Variants in CACNG4 observed in about 807,000 individuals in gnomAD.
CACNG4 encodes the protein calcium voltage-gated channel auxiliary subunit gamma 4.
A neutral mutation model predicts 22.9 loss-of-function variants in CACNG4; 8 were observed. The observed-to-expected ratio is 0.35, with a 90% CI of 0.21 to 0.63. The LOEUF is 0.63. Among genes scored for constraint, CACNG4 ranks in the 30% least tolerant of loss-of-function variants. The pLI, the probability that CACNG4 is intolerant of heterozygous loss-of-function variation, is 0.72. For synonymous variants in CACNG4, 188 were observed against 191.9 expected, an observed-to-expected ratio of 0.98 and a Z score of 0.17; for missense variants, 357 against 455.4, an observed-to-expected ratio of 0.78 and a Z score of 1.97.
intron 1 of CACNG4, among the ~76,000 whole-genome samples, chr17:66,970,381 A>G (rs1307510412): frequency 1.3e-5 from 2 of 152,192 alleles, no homozygotes; most frequent in Non-Finnish European, 2.9e-5. Flanking sequence ...AACTTCTCAT[A>G]GTTCTGGAGG....
chr17:66,985,583 A>G (rs1004071311), intron 1 of CACNG4, among the ~76,000 whole-genome samples: 20 of 152,192 alleles, frequency 1.3e-4, no homozygotes, highest in Non-Finnish European at 2.5e-4. Flanking sequence ...CAGAATGTGT[A>G]AGAGTTCCCC....
intron 1 of CACNG4, among the ~76,000 whole-genome samples, chr17:66,973,987 C>T (rs745508641): frequency 2.0e-5 from 3 of 152,154 alleles, no homozygotes; most frequent in Non-Finnish European, 4.4e-5. Context: ...TCAACTTCTT[C>T]CAATGAAAAA....
At chr17:66,990,647 C>CTTATTTTATTTTATT (rs59079283) in intron 1 of CACNG4, among the ~76,000 whole-genome samples, 1,832 of 148,592 alleles carry the variant, frequency 0.012, 21 homozygotes, top group African/African-American at 0.022. Context: ...TCTAAGTCTC[C>CTTATTTTATTTTATT]TTATTTTATT....
intron 1 of CACNG4, among the ~76,000 whole-genome samples, chr17:66,967,467 C>G (rs543141508): frequency 1.3e-5 from 2 of 152,272 alleles, no homozygotes; most frequent in South Asian, 4.2e-4. Context: ...ACCAACAGCT[C>G]TCAACCACCT....
chr17:66,995,898 T>C (rs2035371847), intron 1 of CACNG4, among the ~76,000 whole-genome samples: 1 of 152,198 alleles, frequency 6.6e-6, no homozygotes, highest in Admixed American at 6.5e-5. Context: ...CCATTTTTCC[T>C]TATTGCCATC....
chr17:66,994,916 G>A (rs1239835210), intron 1 of CACNG4, among the ~76,000 whole-genome samples: 1 of 152,088 alleles, frequency 6.6e-6, no homozygotes, highest in Non-Finnish European at 1.5e-5. Context: ...GGAGCCATTC[G>A]CCCCCTTGAA....
chr17:67,012,268 G>T (rs183693974), intron 1 of CACNG4, among the ~76,000 whole-genome samples: 2 of 152,316 alleles, frequency 1.3e-5, no homozygotes, highest in African/African-American at 4.8e-5. Context: ...TGATCGTTCT[G>T]CTGTGAGCCT....
Position 67,031,073 on chromosome 17 carries a change from G to A in CACNG4, c.*69G>A. On this transcript the variant is annotated 3_prime_UTR_variant, in exon 4 of 4. Coordinates refer to ENST00000262138, the MANE Select transcript of CACNG4 (RefSeq NM_014405.4). The surrounding 1 kb of genome is among the most constrained non-coding windows in gnomAD (Gnocchi z 4.0). Reference sequence around the variant, plus strand: ...CTCTTTTTGTCACACAGGATGGCATGTGATCCTCAAGACGACGAACAATGA... The same window carrying A: ...CTCTTTTTGTCACACAGGATGGCATATGATCCTCAAGACGACGAACAATGA... 6.7e-7 allele frequency: 1 copy of A among 1,502,470 alleles called. No homozygotes were observed. The highest frequency in any genetic ancestry group is 9.0e-7 in the Non-Finnish European group (1 of 1,107,072). 93.1% of individuals were successfully genotyped at this position (1,502,470 alleles called of 1,614,324 possible). A position where few individuals can be genotyped will look rare whatever the true frequency, so the allele number is the denominator to read the frequency against.
chr17:67,033,033 CAGT>C lies in CACNG4; in HGVS notation c.*2030_*2032del, dbSNP rs1172261195. 2 of 152,732 alleles carry C rather than the reference CAGT, an allele frequency of 1.3e-5. No homozygotes were observed. Among genetic ancestry groups the C allele is most frequent in the African/African-American group, 4.8e-5 (2 of 41,410 alleles). 9.5% of individuals were successfully genotyped at this position (152,732 alleles called of 1,614,324 possible). A position where few individuals can be genotyped will look rare whatever the true frequency, so the allele number is the denominator to read the frequency against. On this transcript the variant is annotated 3_prime_UTR_variant, in exon 4 of 4. Coordinates refer to ENST00000262138, the MANE Select transcript of CACNG4 (RefSeq NM_014405.4). ...GTTCCAATGAATCCTACCTCTTGCC[CAGT>C]CCCAGGCAGAGTAAGCAGGGCCCAC...
intron 1 of CACNG4, among the ~76,000 whole-genome samples, chr17:67,010,562 T>C (rs1598118131): frequency 6.6e-6 from 1 of 152,332 alleles, no homozygotes; most frequent in East Asian, 1.9e-4. Flanking sequence ...TAGTGCCTGA[T>C]ACATCATAGG....
At chr17:67,017,377 A>G (rs1056021640) in intron 1 of CACNG4, among the ~76,000 whole-genome samples, 2 of 151,962 alleles carry the variant, frequency 1.3e-5, no homozygotes, top group African/African-American at 4.8e-5. Context: ...GCATCCGGCC[A>G]TAACTATGGT....
chr17:67,021,034 A>G (rs2035528343), intron 2 of CACNG4, among the ~76,000 whole-genome samples: 1 of 152,146 alleles, frequency 6.6e-6, no homozygotes, highest in African/African-American at 2.4e-5. Context: ...CCTCATCTTT[A>G]CAAAAAATAA....
At position 67,027,256 on chromosome 17, in the gene CACNG4, G is replaced by A. The variant is rs545833980; in HGVS notation, c.445+2256G>A. The stretch of plus-strand genomic sequence containing the variant: ...CTGCAGCTGCCCGTGCCCCCAGGAG[G>A]AGCCGTTTCAAAGGCAGGCCCAGAT... On this transcript the variant is annotated intron_variant, in intron 3 of 3. Transcript: ENST00000262138. This position sits in a 1 kb window ranked among gnomAD's most constrained non-coding sequence, Gnocchi z 4.3. Among the ~76,000 whole-genome samples the A allele has an allele frequency of 2.6e-5, 4 of 152,230 alleles. No homozygotes were observed. Among genetic ancestry groups the A allele is most frequent in the African/African-American group, 4.8e-5 (2 of 41,466 alleles).
Position 67,031,277 on chromosome 17 carries a change from A to G in CACNG4, c.*273A>G. The G allele has an allele frequency of 1.6e-6, 1 of 629,510 alleles. No homozygotes were observed. Among genetic ancestry groups the G allele is most frequent in the Non-Finnish European group, 2.9e-6 (1 of 339,852 alleles). 39.0% of individuals were successfully genotyped at this position (629,510 alleles called of 1,614,324 possible). A position where few individuals can be genotyped will look rare whatever the true frequency, so the allele number is the denominator to read the frequency against. ...TCTCTGAAATCTCCCGGGAAGCCCC[A>G]GAGCTTTCCTGAGGCTGCCTGGCCT... On this transcript the variant is annotated 3_prime_UTR_variant, in exon 4 of 4. Transcript: ENST00000262138. The surrounding 1 kb of genome is among the most constrained non-coding windows in gnomAD (Gnocchi z 4.0).
Position 67,016,140 on chromosome 17 carries a change from C to T in CACNG4, c.221-2049C>T, listed in dbSNP as rs569676947. Among the ~76,000 whole-genome samples the T allele has an allele frequency of 4.6e-5, 7 of 152,272 alleles. No homozygotes were observed. The East Asian group carries it at 1.2e-3, about 25-fold the overall frequency. ...CAACTCTGAGCCACCACCATGGGCC[C>T]GGAATCACCCTAAGTGCCTTTCAAG... On this transcript the variant is annotated intron_variant, in intron 1 of 3. Coordinates refer to ENST00000262138, the MANE Select transcript of CACNG4 (RefSeq NM_014405.4).
chr17:67,026,542 T>A (rs1351555544), intron 3 of CACNG4, among the ~76,000 whole-genome samples: 2 of 148,848 alleles, frequency 1.3e-5, no homozygotes, highest in Non-Finnish European at 3.0e-5. Context: ...GGTGTGTATG[T>A]ATTTGAGGAC....
At chr17:66,989,660 C>T (rs554858766) in intron 1 of CACNG4, among the ~76,000 whole-genome samples, 4 of 151,634 alleles carry the variant, frequency 2.6e-5, no homozygotes, top group African/African-American at 2.4e-5. Flanking sequence ...ATTAACCACG[C>T]TTCCGAAGTG....
chr17:67,011,321 C>G (rs1025545488), intron 1 of CACNG4, among the ~76,000 whole-genome samples: 3 of 152,058 alleles, frequency 2.0e-5, no homozygotes, highest in African/African-American at 4.8e-5. Context: ...TGTGAGCAGC[C>G]CCCGCAGGGG....
Position 67,030,893 on chromosome 17 carries a change from C to A in CACNG4, c.873C>A (p.Ser291Arg). 2 of 1,612,796 alleles carry A rather than the reference C, an allele frequency of 1.2e-6. No homozygotes were observed. The highest frequency in any genetic ancestry group is 1.3e-5 in the African/African-American group (1 of 75,044). Residue 291 changes from serine to arginine, a missense_variant, in exon 4 of 4, where the codon AGC (serine) becomes AGA (arginine). Around this residue, in one of 3 missense-constraint regions of CACNG4, gnomAD observed 240 missense variants for 277.6 expected, o/e 0.86. Coordinates refer to ENST00000262138, the MANE Select transcript of CACNG4 (RefSeq NM_014405.4). This position sits in a 1 kb window ranked among gnomAD's most constrained non-coding sequence, Gnocchi z 6.4. ...CCCTCAAGGTGACCACCGCAGCCAG[C>A]TACAGCCCCGACCAGGAGGCCAGCT... ...REPLKVTTAASYSPDQEASFL... is the reference protein window; with the variant it reads ...REPLKVTTAARYSPDQEASFL...
Sources: gnomAD v4.1 joint callset for allele counts (sites outside exome capture counted in the v4.1 genomes callset) on GRCh38, gnomAD v4.1.1 for gene constraint, gnomAD v4.1.1 regional missense constraint, Gnocchi (gnomAD v3.1) non-coding constraint, MANE v1.5 for transcripts, NCBI Gene and HGNC (gene_info 2026-07-23, HGNC 2026-07-21) for gene names.